Variants in PLEKHA6 observed in about 807,000 individuals in gnomAD.
PLEKHA6 encodes the protein pleckstrin homology domain containing A6, also known as pleckstrin homology domain-containing family A member 6.
In PLEKHA6, 60 loss-of-function variants were observed where a neutral mutation model predicts 116.7. That is an observed-to-expected ratio of 0.51 (90% CI 0.42 to 0.64). The LOEUF (loss-of-function observed/expected upper bound fraction) is 0.64. PLEKHA6 is among the 30% of genes least tolerant of loss of function. PLEKHA6 has a pLI of 0.00. For missense variants in PLEKHA6, 1,338 were observed against 1,422.7 expected (o/e 0.94, Z 0.96); for synonymous variants, 489 against 556.1 (o/e 0.88, Z 1.70).
intron 1 of PLEKHA6, among the ~76,000 whole-genome samples, chr1:204,331,243 A>G (rs1369738102): frequency 6.6e-6 from 1 of 151,288 alleles, no homozygotes; most frequent in Non-Finnish European, 1.5e-5. Context: ...TCAGCCAAGC[A>G]GCACCTGCAG....
chr1:204,243,354 A>G, intron 15 of PLEKHA6: 1 of 399,188 alleles, frequency 2.5e-6, no homozygotes, highest in Non-Finnish European at 4.4e-6. Flanking sequence ...GCAGACAACA[A>G]CATTGCTGGA....
In PLEKHA6 at chr1:204,264,901, C is replaced by T; in HGVS notation, c.381+41G>A. The T allele has an allele frequency of 2.2e-6, 3 of 1,381,210 alleles. No individual in the cohort carries two copies. The South Asian group carries it at 3.5e-5, about 16-fold the overall frequency. 85.6% of individuals were successfully genotyped at this position (1,381,210 alleles called of 1,614,324 possible). A position where few individuals can be genotyped will look rare whatever the true frequency, so the allele number is the denominator to read the frequency against. ...TCCCATAGGCTCTAGAAGAGCAGGC[C>T]TTCCTTCCCCACCTGCCCTGGGAAG... On this transcript the variant is annotated intron_variant, in intron 6 of 22. Coordinates refer to ENST00000272203, the MANE Select transcript of PLEKHA6 (RefSeq NM_014935.5).
chr1:204,274,632 C>T (rs2102909030), intron 2 of PLEKHA6, 97 bp downstream of exon 2: 1 of 985,820 alleles, frequency 1.0e-6, no homozygotes, highest in East Asian at 1.1e-4. Context: ...CTTTCCTTCC[C>T]CTCCCTGTTG....
At chr1:204,362,079 G>A (rs949842709), upstream of PLEKHA6, among the ~76,000 whole-genome samples, 2 of 152,194 alleles carry the variant, frequency 1.3e-5, no homozygotes, top group Non-Finnish European at 2.9e-5. Context: ...TAGCTTCAGG[G>A]GCATGAGAAG....
intron 21 of PLEKHA6, among the ~76,000 whole-genome samples, chr1:204,227,167 G>C (rs894461105): frequency 6.6e-6 from 1 of 152,190 alleles, no homozygotes; most frequent in Non-Finnish European, 1.5e-5. Context: ...TCTTGCCTGG[G>C]CTACTGGAAT....
rs545685633 is a variant in PLEKHA6 at position 204,237,317 on chromosome 1, G to C, written c.2409+4058C>G. On this transcript the variant is annotated intron_variant, in intron 17 of 22. Transcript: ENST00000272203. ...TGGTAGGGTGAGGGCTATGATGGTG[G>C]GAAAGGCCAAATAGAAGCCATTAGA... 7.2e-5 allele frequency among the ~76,000 whole-genome samples: 11 copies of C among 152,266 alleles called. No individual in the cohort carries two copies. In the South Asian group the frequency reaches 2.3e-3, roughly 32 times the overall value.
At chr1:204,316,504 G>C (rs900082708) in intron 1 of PLEKHA6, among the ~76,000 whole-genome samples, 10 of 152,156 alleles carry the variant, frequency 6.6e-5, no homozygotes, top group Non-Finnish European at 1.2e-4. Flanking sequence ...GTGGGGGTAG[G>C]GTTCACTCAG....
At chr1:204,230,842 C>T (rs996879108) in intron 17 of PLEKHA6, among the ~76,000 whole-genome samples, 4 of 152,152 alleles carry the variant, frequency 2.6e-5, no homozygotes, top group African/African-American at 9.7e-5. Context: ...AAGAAGATGA[C>T]ATACAGAGTA....
At chr1:204,296,832 G>T (rs1037769723) in intron 1 of PLEKHA6, among the ~76,000 whole-genome samples, 16 of 152,214 alleles carry the variant, frequency 1.1e-4, no homozygotes, top group African/African-American at 3.9e-4. Flanking sequence ...GGGCCTGCCT[G>T]TTCCCCTCCT....
intron 2 of PLEKHA6, 145 bp from the exon 3 acceptor site, chr1:204,273,885 A>C: frequency 3.2e-6 from 2 of 630,718 alleles, no homozygotes; most frequent in South Asian, 3.7e-5. Flanking sequence ...GGGTCACCTC[A>C]GCCACTCCTT....
chr1:204,253,539 A>T (rs1006123001), intron 9 of PLEKHA6, among the ~76,000 whole-genome samples: 1 of 152,178 alleles, frequency 6.6e-6, no homozygotes, highest in African/African-American at 2.4e-5. Flanking sequence ...AGAGTACTAC[A>T]CTTGGCCAGC....
At chr1:204,247,530 A>G in intron 12 of PLEKHA6, 70 bp from the exon 13 acceptor site, 1 of 1,009,996 alleles carries the variant, frequency 9.9e-7, no homozygotes. Flanking sequence ...CCTGCAATGG[A>G]CCCTGGGGCC....
intron 5 of PLEKHA6, 135 bp downstream of exon 5, chr1:204,267,340 T>G: frequency 2.7e-6 from 2 of 733,656 alleles, no homozygotes; most frequent in East Asian, 5.4e-5. Flanking sequence ...CTGCTGCCAC[T>G]GGTGCCAGGA....
At chr1:204,253,846 A>AC (rs887544988) in intron 9 of PLEKHA6, among the ~76,000 whole-genome samples, 2 of 144,968 alleles carry the variant, frequency 1.4e-5, no homozygotes, top group Non-Finnish European at 3.0e-5. Context: ...AAAAAAAAAA[A>AC]AAAACAAAAA....
intron 1 of PLEKHA6, among the ~76,000 whole-genome samples, chr1:204,374,075 A>G (rs1673824457): frequency 6.6e-6 from 1 of 152,012 alleles, no homozygotes; most frequent in Non-Finnish European, 1.5e-5. Flanking sequence ...ACCCCACTGG[A>G]TATCACAGAC....
intron 17 of PLEKHA6, among the ~76,000 whole-genome samples, chr1:204,231,146 C>A (rs1209162578): frequency 6.6e-6 from 1 of 152,178 alleles, no homozygotes; most frequent in Non-Finnish European, 1.5e-5. Context: ...TGCTATAACA[C>A]ATACCTAAAA....
At chr1:204,318,431 G>T (rs959714418) in intron 1 of PLEKHA6, among the ~76,000 whole-genome samples, 2 of 152,204 alleles carry the variant, frequency 1.3e-5, no homozygotes, top group Non-Finnish European at 2.9e-5. Flanking sequence ...TTTGAACTCT[G>T]CTTCCCAAGT....
At chr1:204,301,437 A>T in intron 1 of PLEKHA6, 1 of 985,426 alleles carries the variant, frequency 1.0e-6, no homozygotes, top group Non-Finnish European at 1.2e-6. Flanking sequence ...TGGCGGAGGC[A>T]ATGTGTTATT....
chr1:204,227,200 G>A (rs563911874), intron 21 of PLEKHA6, among the ~76,000 whole-genome samples: 11 of 152,266 alleles, frequency 7.2e-5, no homozygotes, highest in Admixed American at 2.6e-4. Flanking sequence ...ACCTGCTCTA[G>A]CTTCTCTGCC....
Sources: allele counts gnomAD v4.1 joint callset (sites outside exome capture counted in the v4.1 genomes callset), GRCh38; gene constraint gnomAD v4.1.1; transcripts MANE v1.5; gene names NCBI Gene and HGNC (gene_info 2026-07-23, HGNC 2026-07-21).